ZAN: variants seen among roughly 807,000 people sequenced by gnomAD.
ZAN encodes the protein zonadhesin (gene/pseudogene).
A neutral mutation model predicts 286.2 loss-of-function variants in ZAN; 260 were observed. That is an observed-to-expected ratio of 0.91 (90% confidence interval 0.82 to 1.01). The LOEUF (loss-of-function observed/expected upper bound fraction) is 1.01, where lower values mean the gene tolerates loss of function less well. Among genes scored for constraint, ZAN ranks in the 50% least tolerant of loss-of-function variants. ZAN has a pLI of 0.00. For missense variants in ZAN, 3,410 were observed against 3,639.2 expected, an observed-to-expected ratio of 0.94 and a Z score of 1.62; for synonymous variants, 1,368 against 1,417.5, an observed-to-expected ratio of 0.97 and a Z score of 0.79.
At chr7:100,775,974 G>A (rs1810754471) in intron 33 of ZAN, 141 bp downstream of exon 33, 5 of 1,130,496 alleles carry the variant, frequency 4.4e-6, no homozygotes, top group South Asian at 1.6e-5. Flanking sequence ...GGAGGAGTGC[G>A]CCTTTCTGTG....
intron 11 of ZAN, among the ~76,000 whole-genome samples, chr7:100,749,491 T>A (rs1249972290): frequency 3.3e-5 from 5 of 150,466 alleles, no homozygotes; most frequent in Admixed American, 6.6e-5. Context: ...ACACAAAAAA[T>A]TAGCCAGGCA....
Position 100,766,584 on chromosome 7 carries a change from C to A in ZAN, c.4530C>A (p.Asn1510Lys). The change falls in exon 24 of 48, where the codon AAC (asparagine) becomes AAA (lysine). Residue 1510 changes from asparagine to lysine, a missense_variant. This residue lies in a region of ZAN where 1,042 missense variants were observed against 1,058.0 expected (regional missense o/e 0.98). Coordinates refer to ENST00000613979, the MANE Select transcript of ZAN (RefSeq NM_003386.3). ...AGTTGTGCGTCTGTGAAAGCAACAA[C>A]AGAATTCGCTGCCAGCCCTGGAGGT... ...CKELCVCESN[N>K]RIRCQPWRCR... is the part of the protein sequence containing the mutation. 1.3e-6 allele frequency: 2 copies of A among 1,552,760 alleles called. No individual in the cohort carries two copies. Among genetic ancestry groups the A allele is most frequent in the Non-Finnish European group, 1.7e-6 (2 of 1,147,630 alleles).
chr7:100,789,976 G>A (rs1363959474), intron 39 of ZAN, among the ~76,000 whole-genome samples: 1 of 151,544 alleles, frequency 6.6e-6, no homozygotes, highest in African/African-American at 2.4e-5. Context: ...AAATGAGACA[G>A]GTGTGATGGT....
chr7:100,792,144 C>T lies in ZAN; in HGVS notation c.7708C>T (p.Gln2570Ter). 1 of 1,605,974 alleles carries T rather than the reference C, an allele frequency of 6.2e-7. No homozygotes were observed. The highest frequency in any genetic ancestry group is 8.5e-7 in the Non-Finnish European group (1 of 1,176,430). ...CHQTVAPEPF[Q>*]EHCVLDLCSA... The stretch of plus-strand genomic sequence containing the variant: ...CCAGACGGTGGCCCCAGAGCCCTTC[C>T]AAGAGTGAGTCATGGGCCCAGGACT... Residue 2570 changes from glutamine (Q) to a stop codon, truncating the protein, a stop_gained, in exon 41 of 48, where the codon CAA becomes TAA. Coordinates refer to ENST00000613979, the MANE Select transcript of ZAN (RefSeq NM_003386.3). LOFTEE classifies it high-confidence loss of function.
In ZAN at chr7:100,734,160, A is replaced by G; in HGVS notation, c.-9A>G. 6.9e-7 allele frequency: 1 copy of G among 1,452,786 alleles called. No individual in the cohort carries two copies. Among genetic ancestry groups the G allele is most frequent in the Non-Finnish European group, 9.4e-7 (1 of 1,068,190 alleles). The allele number at this position is 1,452,786 out of a possible 1,614,324, so 90.0% of individuals were successfully genotyped here. A position where few individuals can be genotyped will look rare whatever the true frequency, so the allele number is the denominator to read the frequency against. On this transcript the variant is annotated 5_prime_UTR_variant, in exon 2 of 48. Coordinates refer to ENST00000613979, the MANE Select transcript of ZAN (RefSeq NM_003386.3). ...CCCTCTCCCCTGGGAGCAACCACTT[A>G]GGGTCCTCATGGTTCCTCCAGTCTG...
At chr7:100,785,264 A>G (rs892205324) in intron 36 of ZAN, among the ~76,000 whole-genome samples, 5 of 115,446 alleles carry the variant, frequency 4.3e-5, no homozygotes, top group Non-Finnish European at 6.6e-5. Flanking sequence ...GTCTCCCTCT[A>G]TTATCCAGCA....
Position 100,760,542 on chromosome 7 carries a change from G to A in ZAN, c.3842+6G>A, listed in dbSNP as rs1809489626. 2.5e-6 allele frequency: 4 copies of A among 1,613,034 alleles called. No homozygotes were observed. Among genetic ancestry groups the A allele is most frequent in the Non-Finnish European group, 3.4e-6 (4 of 1,179,096 alleles). ...CTGTATGTTACTGTGTCCAGGTAAG[G>A]CAGTGTCCCAGCCAGGCAGCTGCCA... On this transcript the variant is annotated splice_donor_region_variant and intron_variant, in intron 19 of 47. Transcript: ENST00000613979.
Position 100,763,727 on chromosome 7 carries a change from C to A in ZAN, c.3987-79C>A. On this transcript the variant is annotated intron_variant, in intron 20 of 47. Transcript: ENST00000613979. The surrounding 1 kb of genome is among the most constrained non-coding windows in gnomAD (Gnocchi z 4.6). ...GGCTGGTTTGCCGGTCCCGGCCTGC[C>A]AGCCTTGCTGCCTGCTGGGTTAGGG... is the stretch of plus-strand genomic sequence containing the variant. The A allele has an allele frequency of 1.4e-6, 2 of 1,470,146 alleles. No individual in the cohort carries two copies. The highest frequency in any genetic ancestry group is 1.9e-6 in the Non-Finnish European group (2 of 1,051,704). The allele number at this position is 1,470,146 out of a possible 1,614,324, so 91.1% of individuals were successfully genotyped here.
chr7:100,774,967 G>A (rs1219552936), intron 31 of ZAN, among the ~76,000 whole-genome samples: 1 of 151,798 alleles, frequency 6.6e-6, no homozygotes, highest in Non-Finnish European at 1.5e-5. Flanking sequence ...TGTCTCTGTT[G>A]CCTGGGCTGG....
rs374425795 is a variant in ZAN at position 100,758,277 on chromosome 7, A to G, written c.3385A>G (p.Ile1129Val). 1.9e-5 allele frequency: 31 copies of G among 1,613,264 alleles called. No individual in the cohort carries two copies. In the African/African-American group the frequency reaches 4.0e-4, roughly 21 times the overall value. Residue 1129 changes from isoleucine to valine, a missense_variant, in exon 16 of 48, where the codon ATC (isoleucine) becomes GTC (valine). Physicochemically the swap from Ile to Val is conservative, Grantham distance 29. Transcript: ENST00000613979. ...CWPGSRVECQ[I>V]SQCGTHTVCQ... Reference sequence around the variant, plus strand: ...GCCCGGCAGTCGGGTCGAGTGCCAGATCTCTCAGTGTGGGACACACACCGT... The same window carrying G: ...GCCCGGCAGTCGGGTCGAGTGCCAGGTCTCTCAGTGTGGGACACACACCGT...
chr7:100,767,400 C>G, intron 25 of ZAN, 143 bp downstream of exon 25: 1 of 1,203,102 alleles, frequency 8.3e-7, no homozygotes, highest in Non-Finnish European at 1.1e-6. Context: ...ACCCTCTTCT[C>G]TGGACTCCCT....
chr7:100,752,191 C>A lies in ZAN; in HGVS notation c.2086C>A (p.Pro696Thr), dbSNP rs1453385287. 2 of 1,612,204 alleles carry A rather than the reference C, an allele frequency of 1.2e-6. No homozygotes were observed. The highest frequency in any genetic ancestry group is 1.7e-6 in the Non-Finnish European group (2 of 1,179,586). ...AAAACCCAGCATCCCCACGGAAAAA[C>A]CCACCATCTCCATGGAAGAGACTAT... Reference protein sequence around the residue: ...TEKPSIPTEKPTISMEETIIS... With the variant: ...TEKPSIPTEKTTISMEETIIS... The change falls in exon 14 of 48, where the codon CCC becomes ACC. Residue 696 changes from proline (P) to threonine (T), a missense_variant. Around this residue, in one of 7 missense-constraint regions of ZAN, gnomAD observed 872 missense variants for 938.9 expected, o/e 0.93. Transcript: ENST00000613979.
rs556666483 is a variant in ZAN at position 100,779,757 on chromosome 7, G to A, written c.6622+7G>A. 6 of 1,544,832 alleles carry A rather than the reference G, an allele frequency of 3.9e-6. No homozygotes were observed. The African/African-American group carries it at 5.5e-5, about 14-fold the overall frequency. On this transcript the variant is annotated splice_region_variant and intron_variant, in intron 35 of 47. Coordinates refer to ENST00000613979, the MANE Select transcript of ZAN (RefSeq NM_003386.3). ...AGAAACAGCAGCTTCTGCCGTGAGT[G>A]TGCCCTGCTGTCACCCCAAACCCCT...
intron 35 of ZAN, 24 bp from the exon 36 acceptor site, chr7:100,784,599 A>G (rs1425944040): frequency 6.2e-7 from 1 of 1,611,752 alleles, no homozygotes; most frequent in South Asian, 1.1e-5. Flanking sequence ...CTCTCCACTG[A>G]CCCACTGTCT....
chr7:100,760,530 TGTCCAGGTAAGGCAGTGTCCCA>T lies in ZAN; in HGVS notation c.3838_3842+17del. The T allele has an allele frequency of 6.2e-7, 1 of 1,613,928 alleles. No homozygotes were observed. On this transcript the variant is annotated splice_donor_variant and splice_donor_5th_base_variant and coding_sequence_variant and intron_variant, in exon 19 of 48. Coordinates refer to ENST00000613979, the MANE Select transcript of ZAN (RefSeq NM_003386.3). LOFTEE classifies it high-confidence loss of function. Reference sequence around the variant, plus strand: ...GGTGACCAGCAGCTGTATGTTACTGTGTCCAGGTAAGGCAGTGTCCCAGCCAGGCAGCTGCCACTTCTTCCTG... The same window carrying T: ...GGTGACCAGCAGCTGTATGTTACTGTGCCAGGCAGCTGCCACTTCTTCCTG...
At chr7:100,760,347 G>A in intron 18 of ZAN, 44 bp from the exon 19 acceptor site, 1 of 1,601,764 alleles carries the variant, frequency 6.2e-7, no homozygotes, top group African/African-American at 1.3e-5. Context: ...GGTCCTCCTT[G>A]ACCCCCAGCT....
At position 100,792,451 on chromosome 7, in the gene ZAN, G is replaced by C; in HGVS notation, c.7759G>C (p.Glu2587Gln). 1 of 1,613,886 alleles carries C rather than the reference G, an allele frequency of 6.2e-7. No homozygotes were observed. Among genetic ancestry groups the C allele is most frequent in the Non-Finnish European group, 8.5e-7 (1 of 1,179,854 alleles). The change falls in exon 42 of 48, where the codon GAG (glutamate) becomes CAG (glutamine). Residue 2587 changes from glutamate (E) to glutamine (Q), a missense_variant. This residue lies in a region of ZAN where 1,289 missense variants were observed against 1,314.3 expected (regional missense o/e 0.98). Transcript: ENST00000613979. Reference sequence around the variant, plus strand: ...CTCTGCTCAGGACCCAAGAGAGCAAGAGGAGCTGCGTTGCCAGGTCCTCAG... The same window carrying C: ...CTCTGCTCAGGACCCAAGAGAGCAACAGGAGCTGCGTTGCCAGGTCCTCAG... ...LCSAQDPREQ[E>Q]ELRCQVLSGH...
intron 11 of ZAN, among the ~76,000 whole-genome samples, chr7:100,749,703 T>C (rs866297700): frequency 9.2e-5 from 12 of 130,794 alleles, no homozygotes; most frequent in East Asian, 2.3e-4. Context: ...TATACACACA[T>C]ATATATATAC....
intron 31 of ZAN, 136 bp downstream of exon 31, chr7:100,774,001 G>A: frequency 7.5e-7 from 1 of 1,328,532 alleles, no homozygotes; most frequent in African/African-American, 1.5e-5. Context: ...AGAGCTTCTG[G>A]TGGGTAAGAT....
Sources: gnomAD v4.1 joint callset for allele counts (sites outside exome capture counted in the v4.1 genomes callset) on GRCh38, gnomAD v4.1.1 for gene constraint, gnomAD v4.1.1 regional missense constraint, Gnocchi (gnomAD v3.1) non-coding constraint, MANE v1.5 for transcripts, NCBI Gene and HGNC (gene_info 2026-07-23, HGNC 2026-07-21) for gene names.